The following ANKMY1 variants were observed in gnomAD, a reference collection of about 807,000 sequenced individuals.
ANKMY1 encodes the protein ankyrin repeat and MYND domain-containing protein 1.
In ANKMY1, 98 loss-of-function variants were observed where a neutral mutation model predicts 102.0. The ratio of observed to expected loss-of-function variants is 0.96; its 90% CI spans 0.82 to 1.14. ANKMY1 has a LOEUF of 1.14. Ranked by LOEUF, ANKMY1 falls within the 50% of genes most tolerant of loss-of-function variation. ANKMY1 has a pLI of 0.00. For synonymous variants in ANKMY1, 582 were observed against 559.9 expected, an observed-to-expected ratio of 1.04 and a Z score of -0.56; for missense variants, 1,330 against 1,347.6, an observed-to-expected ratio of 0.99 and a Z score of 0.20.
At position 240,529,105 on chromosome 2, in the gene ANKMY1, T is replaced by C. The variant is rs1306428643; in HGVS notation, c.885A>G (p.Gly295=). Residue 295 remains glycine (G), a synonymous_variant, in exon 5 of 18, where the codon GGA becomes GGG. Transcript: ENST00000401804. This position sits in a 1 kb window ranked among gnomAD's most constrained non-coding sequence, Gnocchi z 4.2. ...LNEIPPFVED[G]EPWFIINETP... Reference sequence around the variant, plus strand: ...TCTCATTGATTATGAACCATGGTTCTCCATCCTCAACGAACGGAGGAATTT... The same window carrying C: ...TCTCATTGATTATGAACCATGGTTCCCCATCCTCAACGAACGGAGGAATTT... 6.2e-7 allele frequency: 1 copy of C among 1,614,102 alleles called. No homozygotes were observed. The highest frequency in any genetic ancestry group is 1.3e-5 in the African/African-American group (1 of 74,936).
chr2:240,524,094 C>A lies in ANKMY1; in HGVS notation c.1623G>T (p.Val541=). The change falls in exon 8 of 18, where the codon GTG becomes GTT. Residue 541 remains valine, a synonymous_variant. Transcript: ENST00000401804. The part of the protein sequence containing the change: ...LGHVESGLED[V]LGNTDRGSLC... Reference sequence around the variant, plus strand: ...GACTGCCCCGGTCTGTGTTTCCCAACACGTCCTCAAGCCCGCTTTCCACAT... The same window carrying A: ...GACTGCCCCGGTCTGTGTTTCCCAAAACGTCCTCAAGCCCGCTTTCCACAT... The A allele has an allele frequency of 6.2e-7, 1 of 1,614,100 alleles. No homozygotes were observed. The highest frequency in any genetic ancestry group is 8.5e-7 in the Non-Finnish European group (1 of 1,180,052).
intron 15 of ANKMY1, among the ~76,000 whole-genome samples, chr2:240,493,502 G>A (rs2076888118): frequency 6.6e-6 from 1 of 152,122 alleles, no homozygotes; most frequent in South Asian, 2.1e-4. Flanking sequence ...CTTTCCTGAA[G>A]ATGCATTTAT....
Position 240,528,663 on chromosome 2 carries a change from G to A in ANKMY1, c.953+374C>T, listed in dbSNP as rs570986657. ...GGCCAGGACTCACCATTAGCTCCAC[G>A]GGCTCAGGAGATTCTCCCCAGCCAC... On this transcript the variant is annotated intron_variant, in intron 5 of 17. Transcript: ENST00000401804. Among the ~76,000 whole-genome samples the A allele has an allele frequency of 1.6e-3, 236 of 152,078 alleles. 2 individuals carry two copies. The Middle Eastern group carries it at 0.02, about 13-fold the overall frequency.
rs118161332 is a variant in ANKMY1, at chr2:240,528,540, G to A, written c.953+497C>T. On this transcript the variant is annotated intron_variant, in intron 5 of 17. Transcript: ENST00000401804. ...ACAAACCCTGCTCTCCATGTCAACC[G>A]AGAGGAGACTTGGCCCATAGAACAC... 3.8e-3 allele frequency among the ~76,000 whole-genome samples: 579 copies of A among 152,200 alleles called. 11 individuals are homozygous for A. The highest frequency in any genetic ancestry group is 0.029 in the East Asian group (151 of 5,166).
chr2:240,487,282 C>T (rs1319096189), intron 15 of ANKMY1, among the ~76,000 whole-genome samples: 6 of 152,190 alleles, frequency 3.9e-5, no homozygotes. Context: ...TCTCCAGTTC[C>T]ACTTGTGTGG....
At chr2:240,483,457 T>G (rs546373049) in intron 15 of ANKMY1, among the ~76,000 whole-genome samples, 13 of 152,286 alleles carry the variant, frequency 8.5e-5, no homozygotes, top group Non-Finnish European at 1.9e-4. Context: ...GCATCTGGCC[T>G]GTATTATTTA....
At chr2:240,511,714 C>T (rs2080222560) in intron 11 of ANKMY1, 147 bp downstream of exon 11, 1 of 1,068,666 alleles carries the variant, frequency 9.4e-7, no homozygotes, top group South Asian at 1.8e-5. Context: ...TCCCGCCTTG[C>T]CTTGCTTCCC....
At chr2:240,530,855 G>A (rs1223270035) in intron 4 of ANKMY1, among the ~76,000 whole-genome samples, 1 of 152,008 alleles carries the variant, frequency 6.6e-6, no homozygotes, top group Non-Finnish European at 1.5e-5. Flanking sequence ...CAAGGCTGCA[G>A]TGAGCTATGA....
chr2:240,497,745 C>T (rs896145583), intron 15 of ANKMY1, among the ~76,000 whole-genome samples: 28 of 152,190 alleles, frequency 1.8e-4, no homozygotes, highest in Admixed American at 3.9e-4. Context: ...AAAATGAAAT[C>T]GGTTTCTTTG....
chr2:240,544,427 A>T (rs2152541673), intron 4 of ANKMY1, among the ~76,000 whole-genome samples: 1 of 152,272 alleles, frequency 6.6e-6, no homozygotes, highest in East Asian at 1.9e-4. Flanking sequence ...TATTCTTTAA[A>T]ACCTGATAGA....
chr2:240,511,194 G>A (rs148529183), intron 11 of ANKMY1, among the ~76,000 whole-genome samples: 2 of 152,166 alleles, frequency 1.3e-5, no homozygotes, highest in African/African-American at 4.8e-5. Flanking sequence ...TGGCACTCCT[G>A]CACACTCATC....
rs141291430 is a variant in ANKMY1 at position 240,492,834 on chromosome 2, G to A, written c.2806+7124C>T. On this transcript the variant is annotated intron_variant, in intron 15 of 17. Coordinates refer to ENST00000401804, the MANE Select transcript of ANKMY1 (RefSeq NM_001282771.3). ...GCCTCGCTAGTGGCTGAGATTACAA[G>A]CATGCACCACCACACCCAGCTCATT... Among the ~76,000 whole-genome samples the A allele has an allele frequency of 1.1e-3, 167 of 152,220 alleles. 4 individuals are homozygous for A. In the East Asian group the frequency reaches 0.028, roughly 25 times the overall value.
rs147804085 is a variant in ANKMY1 at position 240,480,956 on chromosome 2, G to A, written c.3027C>T (p.Cys1009=). The change falls in exon 17 of 18, where the codon TGC becomes TGT. Residue 1009 remains cysteine (C), a synonymous_variant. Transcript: ENST00000401804. ...ACCTACCGATGGCCACCAGGTCCCC[G>A]CAGTCCTTCTTGTGGAACTCGGTCC... ...KAWTEFHKKD[C]GDLVAIVTQL... 5.0e-3 allele frequency: 8,046 copies of A among 1,611,586 alleles called. 42 individuals are homozygous for A. Among genetic ancestry groups the A allele is most frequent in the Middle Eastern group, 5.6e-3 (34 of 6,028 alleles).
At chr2:240,473,658 A>T in the ANKMY1 span, among the ~76,000 whole-genome samples, 73 of 152,334 alleles carry the variant, frequency 4.8e-4, no homozygotes, top group African/African-American at 1.7e-3. Context: ...AAGTTGGGGT[A>T]GATATGGACA....
chr2:240,538,145 C>G (rs973323487), intron 4 of ANKMY1, among the ~76,000 whole-genome samples: 3 of 152,248 alleles, frequency 2.0e-5, no homozygotes, highest in African/African-American at 4.8e-5. Flanking sequence ...CGCTCACTCT[C>G]GGCGCCTCCT....
At chr2:240,537,340 C>T (rs959013140) in intron 4 of ANKMY1, among the ~76,000 whole-genome samples, 4 of 152,072 alleles carry the variant, frequency 2.6e-5, no homozygotes, top group Non-Finnish European at 2.9e-5. Flanking sequence ...GTAGGATTTC[C>T]GATACAAAAA....
chr2:240,525,023 T>C (rs887548162), intron 7 of ANKMY1, among the ~76,000 whole-genome samples: 51 of 152,262 alleles, frequency 3.3e-4, no homozygotes, highest in Non-Finnish European at 4.4e-5. Flanking sequence ...TTGTTTTATC[T>C]GAGTTCCTTC....
Position 240,557,735 on chromosome 2 carries a change from G to C in ANKMY1, c.-18+146C>G, listed in dbSNP as rs535550015. ...CTCGAGGGTGGGCTCGGGAGACGCC[G>C]CGCCCACCTAACCCCACGCCCCCAG... is the stretch of plus-strand genomic sequence containing the variant. On this transcript the variant is annotated intron_variant, in intron 1 of 17. Coordinates refer to ENST00000401804, the MANE Select transcript of ANKMY1 (RefSeq NM_001282771.3). The C allele has an allele frequency of 3.8e-5, 17 of 441,876 alleles. No individual in the cohort carries two copies. The South Asian group carries it at 1.5e-3, about 39-fold the overall frequency. 27.4% of individuals were successfully genotyped at this position (441,876 alleles called of 1,614,324 possible).
In ANKMY1 at chr2:240,525,738, G is replaced by C. The variant is rs1165210345; in HGVS notation, c.1282C>G (p.Pro428Ala). ...ACATTGGGCTTGAAGGACTGGGCGG[G>C]GTAGTGGAGGAGGAAACACATGCTG... is the stretch of plus-strand genomic sequence containing the variant. ...ALSMCFLLHY[P>A]AQSFKPNVAE... is the part of the protein sequence containing the mutation. The change falls in exon 7 of 18, where the codon CCC (proline) becomes GCC (alanine). Residue 428 changes from proline (P) to alanine (A), a missense_variant. Coordinates refer to ENST00000401804, the MANE Select transcript of ANKMY1 (RefSeq NM_001282771.3). The C allele has an allele frequency of 1.2e-6, 2 of 1,614,186 alleles. No homozygotes were observed. The highest frequency in any genetic ancestry group is 1.7e-5 in the Admixed American group (1 of 60,028).
Sources: allele counts gnomAD v4.1 joint callset (sites outside exome capture counted in the v4.1 genomes callset), GRCh38; gene constraint gnomAD v4.1.1; non-coding constraint Gnocchi (gnomAD v3.1); transcripts MANE v1.5; gene names NCBI Gene and HGNC (gene_info 2026-07-23, HGNC 2026-07-21).